The following KCNH1 variants were observed in gnomAD, a reference collection of about 807,000 sequenced individuals.
KCNH1 encodes the protein potassium voltage-gated channel subfamily H member 1.
In KCNH1, 27 loss-of-function variants were observed where a neutral mutation model predicts 69.2. The ratio of observed to expected loss-of-function variants is 0.39; its 90% CI spans 0.29 to 0.54. The LOEUF (loss-of-function observed/expected upper bound fraction) is 0.54, where lower values mean the gene tolerates loss of function less well. KCNH1 is among the 20% of genes least tolerant of loss of function. The pLI, the probability that KCNH1 is intolerant of heterozygous loss-of-function variation, is 0.68. For synonymous variants in KCNH1, 456 were observed against 487.7 expected, an observed-to-expected ratio of 0.93 and a Z score of 0.86; for missense variants, 798 against 1,261.6, an observed-to-expected ratio of 0.63 and a Z score of 5.57.
chr1:211,087,885 C>T (rs1419288273), intron 4 of KCNH1, among the ~76,000 whole-genome samples: 1 of 152,020 alleles, frequency 6.6e-6, no homozygotes. Context: ...ACGACCCATC[C>T]CCTGTGCCTG....
intron 5 of KCNH1, among the ~76,000 whole-genome samples, chr1:211,021,441 A>G (rs1689584899): frequency 6.6e-6 from 1 of 152,146 alleles, no homozygotes; most frequent in Non-Finnish European, 1.5e-5. Context: ...CACCACTGTT[A>G]TTCAACATAG....
intron 6 of KCNH1, among the ~76,000 whole-genome samples, chr1:210,973,556 C>T (rs1688550962): frequency 6.6e-6 from 1 of 151,952 alleles, no homozygotes; most frequent in Non-Finnish European, 1.5e-5. Flanking sequence ...TATTTTGTGG[C>T]AAGAGTAATG....
chr1:211,034,963 A>T (rs1250800392), intron 5 of KCNH1, among the ~76,000 whole-genome samples: 1 of 152,174 alleles, frequency 6.6e-6, no homozygotes, highest in African/African-American at 2.4e-5. Context: ...ATCTATAATT[A>T]TTTCTAGGTG....
intron 7 of KCNH1, among the ~76,000 whole-genome samples, chr1:210,865,043 A>T (rs1307195147): frequency 6.6e-6 from 1 of 152,236 alleles, no homozygotes; most frequent in African/African-American, 2.4e-5. Flanking sequence ...TTAGCCTATC[A>T]CTATAATGTG....
intron 7 of KCNH1, among the ~76,000 whole-genome samples, chr1:210,837,937 A>G (rs1308782525): frequency 6.6e-6 from 1 of 152,240 alleles, no homozygotes; most frequent in Non-Finnish European, 1.5e-5. Context: ...TTATAGATTC[A>G]ATGCTATTCC....
intron 10 of KCNH1, among the ~76,000 whole-genome samples, chr1:210,684,347 A>G (rs1412524987): frequency 6.6e-6 from 1 of 152,086 alleles, no homozygotes; most frequent in Non-Finnish European, 1.5e-5. Flanking sequence ...CAGCTTTCCA[A>G]CAGCAGGGAA....
intron 10 of KCNH1, among the ~76,000 whole-genome samples, chr1:210,735,871 C>A (rs1321189981): frequency 6.6e-6 from 1 of 151,990 alleles, no homozygotes. Context: ...CTTCAGCTAT[C>A]TCCTGCCATT....
intron 6 of KCNH1, among the ~76,000 whole-genome samples, chr1:211,017,035 A>T (rs1250188468): frequency 2.6e-5 from 4 of 151,926 alleles, no homozygotes; most frequent in Non-Finnish European, 5.9e-5. Context: ...TACAAAATTC[A>T]CACAAGCTAC....
intron 5 of KCNH1, among the ~76,000 whole-genome samples, chr1:211,051,004 G>GTTGTTGTTGTTGTTA (rs1334257048): frequency 6.6e-6 from 1 of 151,630 alleles, no homozygotes; most frequent in African/African-American, 2.4e-5. Flanking sequence ...TGTTGTTGTT[G>GTTGTTGTTGTTGTTA]TTGTTGTTTT....
At chr1:210,762,081 A>G (rs1268066002) in intron 10 of KCNH1, among the ~76,000 whole-genome samples, 1 of 152,178 alleles carries the variant, frequency 6.6e-6, no homozygotes, top group Admixed American at 6.5e-5. Flanking sequence ...AACTCTTAAA[A>G]CTACCCAAAT....
intron 5 of KCNH1, among the ~76,000 whole-genome samples, chr1:211,076,414 T>A (rs565822914): frequency 8.0e-5 from 12 of 149,268 alleles, no homozygotes; most frequent in African/African-American, 2.8e-4. Flanking sequence ...ATATTTGCTG[T>A]TCTGCAATAT....
At chr1:210,809,264 T>C (rs1684649797) in intron 7 of KCNH1, among the ~76,000 whole-genome samples, 1 of 152,176 alleles carries the variant, frequency 6.6e-6, no homozygotes, top group African/African-American at 2.4e-5. Flanking sequence ...AACTGTGCCA[T>C]TGCCATTTGT....
intron 10 of KCNH1, among the ~76,000 whole-genome samples, chr1:210,692,465 T>C (rs1254277494): frequency 6.6e-6 from 1 of 152,200 alleles, no homozygotes; most frequent in Non-Finnish European, 1.5e-5. Flanking sequence ...GCCACATTTG[T>C]CACCTTCTCC....
At chr1:210,771,436 A>T (rs1302846392) in intron 10 of KCNH1, among the ~76,000 whole-genome samples, 1 of 152,184 alleles carries the variant, frequency 6.6e-6, no homozygotes, top group African/African-American at 2.4e-5. Flanking sequence ...AATGGATTCC[A>T]CTTCCCAGAG....
chr1:210,905,348 C>T (rs539376127), intron 7 of KCNH1, among the ~76,000 whole-genome samples: 34 of 152,240 alleles, frequency 2.2e-4, no homozygotes, highest in African/African-American at 7.9e-4. Context: ...TAAATTTTAG[C>T]TCTTACTATC....
At chr1:210,905,855 A>C (rs1687091646) in intron 7 of KCNH1, among the ~76,000 whole-genome samples, 2 of 152,214 alleles carry the variant, frequency 1.3e-5, no homozygotes, top group African/African-American at 2.4e-5. Flanking sequence ...TATGATGATG[A>C]AGTGGCATAA....
chr1:210,807,409 A>G (rs1396519285), intron 7 of KCNH1, among the ~76,000 whole-genome samples: 1 of 152,134 alleles, frequency 6.6e-6, no homozygotes, highest in Non-Finnish European at 1.5e-5. Context: ...GTTTAAGACC[A>G]GCCTGGTCAA....
intron 6 of KCNH1, among the ~76,000 whole-genome samples, chr1:210,922,361 G>A (rs1687477180): frequency 7.7e-6 from 1 of 129,310 alleles, no homozygotes; most frequent in Admixed American, 9.5e-5. Context: ...TCCAGCCTGG[G>A]CAACAGAGCG....
chr1:210,951,891 C>T (rs185963281), intron 6 of KCNH1, among the ~76,000 whole-genome samples: 1 of 152,140 alleles, frequency 6.6e-6, no homozygotes, highest in Non-Finnish European at 1.5e-5. Context: ...GTTCTCCTTA[C>T]TCCCTCATGC....
Sources: allele counts gnomAD v4.1 joint callset (sites outside exome capture counted in the v4.1 genomes callset), GRCh38; gene constraint gnomAD v4.1.1; transcripts MANE v1.5; gene names NCBI Gene and HGNC (gene_info 2026-07-23, HGNC 2026-07-21).